The following FAM184A variants were observed in gnomAD, a reference collection of about 807,000 sequenced individuals.
The protein encoded by FAM184A is protein FAM184A.
In FAM184A, 99 loss-of-function variants were observed where a neutral mutation model predicts 143.8. The observed-to-expected ratio is 0.69, with a 90% confidence interval of 0.58 to 0.81. FAM184A has a LOEUF of 0.81. FAM184A is among the 40% of genes least tolerant of loss of function. The probability of loss-of-function intolerance (pLI) is 0.00; values close to 1 mark genes in which losing one functional copy is unlikely to be tolerated. For synonymous variants in FAM184A, 427 were observed against 446.4 expected (o/e 0.96, Z 0.55); for missense variants, 1,217 against 1,310.5 (o/e 0.93, Z 1.10).
intron 1 of FAM184A, among the ~76,000 whole-genome samples, chr6:119,029,124 G>A (rs1314421396): frequency 6.6e-6 from 1 of 152,194 alleles, no homozygotes; most frequent in Non-Finnish European, 1.5e-5. Context: ...TAGGCCACAG[G>A]CTTCAGGCCT....
At chr6:119,019,320 C>T (rs543463281) in intron 4 of FAM184A, among the ~76,000 whole-genome samples, 2 of 152,302 alleles carry the variant, frequency 1.3e-5, no homozygotes, top group East Asian at 1.9e-4. Flanking sequence ...ATCAGGATGG[C>T]ACTGAGGGCT....
At chr6:119,001,828 C>G (rs1784765382) in intron 9 of FAM184A, among the ~76,000 whole-genome samples, 1 of 152,040 alleles carries the variant, frequency 6.6e-6, no homozygotes. Context: ...TCAGTAGCAC[C>G]CTACCCAGTA....
At chr6:119,030,830 C>T (rs1785842392) in intron 1 of FAM184A, among the ~76,000 whole-genome samples, 1 of 151,804 alleles carries the variant, frequency 6.6e-6, no homozygotes, top group Non-Finnish European at 1.5e-5. Flanking sequence ...CATTAAGAAA[C>T]ATTTGCACTT....
intron 9 of FAM184A, among the ~76,000 whole-genome samples, chr6:118,987,342 T>C (rs1784227206): frequency 6.6e-6 from 1 of 152,228 alleles, no homozygotes; most frequent in Non-Finnish European, 1.5e-5. Flanking sequence ...GACTTCTGCC[T>C]TAGGACATCA....
At chr6:119,060,964 T>C (rs1787212551) in intron 1 of FAM184A, among the ~76,000 whole-genome samples, 1 of 152,250 alleles carries the variant, frequency 6.6e-6, no homozygotes, top group South Asian at 2.1e-4. Context: ...AGGCATTTCT[T>C]TATAGCAGTG....
rs142046174 is a variant in FAM184A at position 119,116,704 on chromosome 6, C to T, written c.-202+32374G>A. On this transcript the variant is annotated intron_variant, in intron 1 of 16. Coordinates refer to the FAM184A transcript ENST00000352896. ...GCTGCCTGTGGAAGACTTCATAAAA[C>T]TGGCATTGACTGGATCTCAAAGGGA... Among the ~76,000 whole-genome samples, 1,385 of 152,298 alleles carry T rather than the reference C, an allele frequency of 9.1e-3. 9 individuals are homozygous for T. The highest frequency in any genetic ancestry group is 0.013 in the Non-Finnish European group (903 of 68,022).
chr6:119,120,170 A>G (rs1256782665), intron 1 of FAM184A, among the ~76,000 whole-genome samples: 2 of 152,228 alleles, frequency 1.3e-5, no homozygotes, highest in Non-Finnish European at 2.9e-5. Flanking sequence ...GCTGTTACTC[A>G]TAATCCGCTT....
intron 1 of FAM184A, among the ~76,000 whole-genome samples, chr6:119,059,530 C>A (rs1291123854): frequency 6.6e-6 from 1 of 152,174 alleles, no homozygotes; most frequent in African/African-American, 2.4e-5. Flanking sequence ...TCTAACAAAA[C>A]CATTTCCCAG....
chr6:119,022,887 A>C, intron 3 of FAM184A, 58 bp downstream of exon 3: 1 of 1,602,334 alleles, frequency 6.2e-7, no homozygotes, highest in South Asian at 1.1e-5. Flanking sequence ...CAAAAAAATA[A>C]ATAAATAAAG....
intron 5 of FAM184A, among the ~76,000 whole-genome samples, chr6:119,015,428 C>T (rs899261089): frequency 3.9e-5 from 6 of 152,176 alleles, no homozygotes; most frequent in East Asian, 1.9e-4. Flanking sequence ...AGCGGCCGGC[C>T]GGCCCTGCGG....
chr6:119,138,961 G>T (rs1360057735), intron 1 of FAM184A, among the ~76,000 whole-genome samples: 1 of 152,002 alleles, frequency 6.6e-6, no homozygotes, highest in Non-Finnish European at 1.5e-5. Context: ...GTTATATCAG[G>T]CCTACCGGAA....
Position 119,003,486 on chromosome 6 carries a change from G to A in FAM184A, c.1937+15C>T, listed in dbSNP as rs144774118. 6.2e-7 allele frequency: 1 copy of A among 1,608,646 alleles called. No individual in the cohort carries two copies. Among genetic ancestry groups the A allele is most frequent in the Non-Finnish European group, 8.5e-7 (1 of 1,177,718 alleles). ...GCATGTCTTTATTGATAAGATTACA[G>A]AATAAAAAATGTACCTAAGATTTTC... On this transcript the variant is annotated intron_variant, in intron 8 of 17. Coordinates refer to ENST00000338891, the MANE Select transcript of FAM184A (RefSeq NM_024581.6).
chr6:119,014,092 A>G (rs1316203250), intron 5 of FAM184A, among the ~76,000 whole-genome samples: 1 of 152,274 alleles, frequency 6.6e-6, no homozygotes, highest in Non-Finnish European at 1.5e-5. Context: ...TACTAGTTGC[A>G]TGTGCTTGAG....
chr6:119,132,639 C>T (rs1789564415), intron 1 of FAM184A, among the ~76,000 whole-genome samples: 1 of 152,210 alleles, frequency 6.6e-6, no homozygotes, highest in African/African-American at 2.4e-5. Context: ...CCTTACTCTG[C>T]CCTGTCTATT....
Position 118,978,496 on chromosome 6 carries a change from A to G in FAM184A, c.2455+869T>C, listed in dbSNP as rs570041247. ...GCTCAGCAATCTCTAGCACATGAAA[A>G]GGCTTTTCACAAATCTTTGACAAAT... On this transcript the variant is annotated intron_variant, in intron 11 of 17. Coordinates refer to ENST00000338891, the MANE Select transcript of FAM184A (RefSeq NM_024581.6). Among the ~76,000 whole-genome samples the G allele has an allele frequency of 8.5e-5, 13 of 152,316 alleles. No individual in the cohort carries two copies. The South Asian group carries it at 1.2e-3, about 15-fold the overall frequency.
intron 1 of FAM184A, among the ~76,000 whole-genome samples, chr6:119,107,367 G>T (rs1452167587): frequency 6.6e-6 from 1 of 152,162 alleles, no homozygotes; most frequent in Non-Finnish European, 1.5e-5. Flanking sequence ...TTATAATTTG[G>T]AGTGCATGGA....
chr6:119,121,182 A>G (rs964190311), intron 1 of FAM184A, among the ~76,000 whole-genome samples: 2 of 152,098 alleles, frequency 1.3e-5, no homozygotes, highest in African/African-American at 4.8e-5. Context: ...CTCAGGCTGG[A>G]GTGCAGTGGC....
At chr6:119,093,868 T>G (rs1028530303) in intron 1 of FAM184A, among the ~76,000 whole-genome samples, 3 of 152,180 alleles carry the variant, frequency 2.0e-5, no homozygotes, top group Non-Finnish European at 4.4e-5. Flanking sequence ...GCATAGATCT[T>G]TAGCGTAGAA....
chr6:119,017,964 G>C (rs372975427), intron 4 of FAM184A, among the ~76,000 whole-genome samples: 1 of 152,108 alleles, frequency 6.6e-6, no homozygotes, highest in Non-Finnish European at 1.5e-5. Context: ...CCTCCTTCCA[G>C]CATGATTGTA....
Sources: allele counts gnomAD v4.1 joint callset (sites outside exome capture counted in the v4.1 genomes callset), GRCh38; gene constraint gnomAD v4.1.1; transcripts MANE v1.5; gene names NCBI Gene and HGNC (gene_info 2026-07-23, HGNC 2026-07-21).